LEKR1: variants seen among roughly 807,000 people sequenced by gnomAD.
LEKR1 encodes leucine, glutamate and lysine rich 1.
LEKR1 carries 59 observed loss-of-function variants against 72.4 expected under a neutral mutation model. The observed-to-expected ratio is 0.82, with a 90% CI of 0.66 to 1.01. The LOEUF is 1.01. Ranked by LOEUF, LEKR1 falls within the 50% of genes least tolerant of loss-of-function variation. The pLI, the probability that LEKR1 is intolerant of heterozygous loss-of-function variation, is 0.00. For missense variants in LEKR1, 728 were observed against 759.2 expected, an observed-to-expected ratio of 0.96 and a Z score of 0.48; for synonymous variants, 257 against 263.2, an observed-to-expected ratio of 0.98 and a Z score of 0.23.
intron 3 of LEKR1, among the ~76,000 whole-genome samples, chr3:156,879,372 A>G (rs1286731976): frequency 6.6e-6 from 1 of 152,150 alleles, no homozygotes; most frequent in Non-Finnish European, 1.5e-5. Flanking sequence ...AGAACTTTGA[A>G]CTTCAGGGAT....
intron 5 of LEKR1, among the ~76,000 whole-genome samples, chr3:156,939,290 A>T (rs1369231944): frequency 6.6e-6 from 1 of 152,192 alleles, no homozygotes; most frequent in Non-Finnish European, 1.5e-5. Context: ...ACACAGGGAA[A>T]AGGCAGCCAC....
chr3:157,001,939 G>A (rs1732047569), intron 9 of LEKR1, among the ~76,000 whole-genome samples: 1 of 152,156 alleles, frequency 6.6e-6, no homozygotes. Context: ...ATGCATGCAT[G>A]GATGGGAATG....
chr3:156,973,073 C>A (rs1560118341), intron 6 of LEKR1, among the ~76,000 whole-genome samples: 1 of 152,008 alleles, frequency 6.6e-6, no homozygotes, highest in Admixed American at 6.6e-5. Context: ...TCAATGAAAA[C>A]TGCAGAACTA....
chr3:156,983,638 C>G (rs953866844), intron 7 of LEKR1, among the ~76,000 whole-genome samples: 3 of 151,372 alleles, frequency 2.0e-5, no homozygotes, highest in Non-Finnish European at 4.4e-5. Flanking sequence ...ACAATCAGCC[C>G]TGTGTGAAGC....
chr3:156,991,587 A>G (rs1341714854), intron 7 of LEKR1, among the ~76,000 whole-genome samples: 1 of 152,144 alleles, frequency 6.6e-6, no homozygotes, highest in Non-Finnish European at 1.5e-5. Flanking sequence ...TTTTTAATAT[A>G]TTAACCTTTT....
At chr3:156,981,132 G>C (rs372485729) in intron 7 of LEKR1, among the ~76,000 whole-genome samples, 7 of 152,280 alleles carry the variant, frequency 4.6e-5, no homozygotes, top group Admixed American at 2.0e-4. Context: ...ATATCGTATA[G>C]CCTACGTGTG....
chr3:156,894,308 C>T (rs62275252), intron 3 of LEKR1, among the ~76,000 whole-genome samples: 4,846 of 152,206 alleles, frequency 0.032, 118 homozygotes, highest in Non-Finnish European at 0.047. Flanking sequence ...TGATCACATA[C>T]AATAATTATA....
At chr3:156,962,648 C>A (rs1026116506) in intron 6 of LEKR1, among the ~76,000 whole-genome samples, 4 of 152,160 alleles carry the variant, frequency 2.6e-5, no homozygotes, top group African/African-American at 9.7e-5. Flanking sequence ...ATTGAACTTT[C>A]ATCTAAAGAT....
intron 5 of LEKR1, among the ~76,000 whole-genome samples, chr3:156,940,973 C>T (rs752805317): frequency 3.0e-4 from 45 of 152,016 alleles, no homozygotes; most frequent in Non-Finnish European, 5.3e-4. Context: ...ACCTTTTTGG[C>T]TACAAAAATA....
At chr3:156,917,207 A>G (rs1309715685) in intron 3 of LEKR1, among the ~76,000 whole-genome samples, 1 of 152,124 alleles carries the variant, frequency 6.6e-6, no homozygotes, top group Non-Finnish European at 1.5e-5. Context: ...ACAGAAAGTT[A>G]AAAGTGGTAA....
chr3:156,835,756 T>TTCTCTCGTAAAGCC (rs1713028805), intron 2 of LEKR1, among the ~76,000 whole-genome samples: 1 of 151,842 alleles, frequency 6.6e-6, no homozygotes, highest in South Asian at 2.1e-4. Flanking sequence ...AGGCTAAAAG[T>TTCTCTCGTAAAGCC]TCTCTCGTAA....
intron 6 of LEKR1, among the ~76,000 whole-genome samples, chr3:156,957,992 G>A (rs1329334687): frequency 2.6e-5 from 4 of 152,204 alleles, no homozygotes; most frequent in African/African-American, 9.6e-5. Flanking sequence ...CACCCAAGCT[G>A]TGATAACAGA....
At position 156,942,845 on chromosome 3, in the gene LEKR1, A is replaced by G. The variant is rs866995838; in HGVS notation, c.745+131A>G. The G allele has an allele frequency of 8.2e-6, 3 of 364,498 alleles. No individual in the cohort carries two copies. In the Admixed American group the frequency reaches 1.5e-4, roughly 18 times the overall value. The allele number at this position is 364,498 out of a possible 1,614,324, so 22.6% of individuals were successfully genotyped here. ...TGAGTTGCAAATATGCCTAATTATT[A>G]GTATCACTATGGTGATAACTGTGTC... On this transcript the variant is annotated intron_variant, in intron 6 of 12. Coordinates refer to ENST00000356539, the MANE Select transcript of LEKR1 (RefSeq NM_001004316.3).
intron 3 of LEKR1, among the ~76,000 whole-genome samples, chr3:156,899,549 CACATATATACATATACATGTATATAT>C (rs1721703322): frequency 1.1e-5 from 1 of 90,532 alleles, no homozygotes; most frequent in Admixed American, 9.2e-5. Context: ...TACATATATA[CACATATATACATATACATGTATATAT>C]ACATATACAT....
At position 157,045,409 on chromosome 3, in the gene LEKR1, C is replaced by A. The variant is rs1560168174; in HGVS notation, c.1738C>A (p.Gln580Lys). 6.2e-7 allele frequency: 1 copy of A among 1,613,972 alleles called. No homozygotes were observed. Among genetic ancestry groups the A allele is most frequent in the East Asian group, 2.2e-5 (1 of 44,868 alleles). Reference protein sequence around the residue: ...ERFELTEALSQAREQLLELSK... With the variant: ...ERFELTEALSKAREQLLELSK... Reference sequence around the variant, plus strand: ...CTTTGAACTGACAGAGGCTTTGAGTCAAGCCAGAGAACAGCTCCTGGAGCT... The same window carrying A: ...CTTTGAACTGACAGAGGCTTTGAGTAAAGCCAGAGAACAGCTCCTGGAGCT... Residue 580 changes from glutamine to lysine, a missense_variant, in exon 13 of 13, where the codon CAA (glutamine) becomes AAA (lysine). Physicochemically the swap from Gln to Lys is moderately conservative, Grantham distance 53. Coordinates refer to ENST00000356539, the MANE Select transcript of LEKR1 (RefSeq NM_001004316.3).
Position 156,829,383 on chromosome 3 carries a change from A to T in LEKR1, c.48+6A>T. On this transcript the variant is annotated splice_donor_region_variant and intron_variant, in intron 2 of 12. Coordinates refer to ENST00000356539, the MANE Select transcript of LEKR1 (RefSeq NM_001004316.3). Reference sequence around the variant, plus strand: ...TGCCTGAAGAAATCCAAAAGGTATGATATATTGTGTTGCTACAGCCTAACA... The same window carrying T: ...TGCCTGAAGAAATCCAAAAGGTATGTTATATTGTGTTGCTACAGCCTAACA... 1.3e-6 allele frequency: 2 copies of T among 1,529,716 alleles called. No individual in the cohort carries two copies. The highest frequency in any genetic ancestry group is 1.8e-6 in the Non-Finnish European group (2 of 1,141,784). The allele number at this position is 1,529,716 out of a possible 1,614,324, so 94.8% of individuals were successfully genotyped here.
At chr3:156,871,063 G>A (rs956401192) in intron 3 of LEKR1, among the ~76,000 whole-genome samples, 5 of 151,812 alleles carry the variant, frequency 3.3e-5, no homozygotes, top group African/African-American at 9.7e-5. Context: ...CCACTAACAC[G>A]TCATCTGGCA....
intron 6 of LEKR1, among the ~76,000 whole-genome samples, chr3:156,953,572 T>C (rs1727364380): frequency 6.6e-6 from 1 of 151,794 alleles, no homozygotes; most frequent in Non-Finnish European, 1.5e-5. Context: ...GTTCCTATCA[T>C]TCAGCTCCCA....
chr3:157,026,105 G>A (rs2108035213), intron 11 of LEKR1, among the ~76,000 whole-genome samples: 1 of 152,164 alleles, frequency 6.6e-6, no homozygotes, highest in South Asian at 2.1e-4. Flanking sequence ...TTTTGTAAGT[G>A]AAATCCTACT....
Sources: gnomAD v4.1 joint callset for allele counts (sites outside exome capture counted in the v4.1 genomes callset) on GRCh38, gnomAD v4.1.1 for gene constraint, MANE v1.5 for transcripts, NCBI Gene and HGNC (gene_info 2026-07-23, HGNC 2026-07-21) for gene names.